ZNF112: variants seen among roughly 807,000 people sequenced by gnomAD.
The protein encoded by ZNF112 is zinc finger protein 112 (Y14).
A neutral mutation model predicts 77.7 loss-of-function variants in ZNF112; 37 were observed. That is an observed-to-expected ratio of 0.48 (90% CI 0.37 to 0.63). The LOEUF is 0.63. Ranked by LOEUF, ZNF112 falls within the 20% of genes least tolerant of loss-of-function variation. ZNF112 has a pLI of 0.00. For synonymous variants in ZNF112, 333 were observed against 363.6 expected, an observed-to-expected ratio of 0.92 and a Z score of 0.96; for missense variants, 950 against 1,077.4, an observed-to-expected ratio of 0.88 and a Z score of 1.66.
intron 1 of ZNF112, among the ~76,000 whole-genome samples, chr19:44,344,004 C>T (rs1452994554): frequency 6.6e-6 from 1 of 152,194 alleles, no homozygotes; most frequent in African/African-American, 2.4e-5. Flanking sequence ...TACATCGAGA[C>T]CACCCTTATG....
intron 1 of ZNF112, among the ~76,000 whole-genome samples, chr19:44,342,262 C>T (rs2123180460): frequency 6.6e-6 from 1 of 152,208 alleles, no homozygotes. Flanking sequence ...TCTAGCTCTT[C>T]TTGTACAAAA....
chr19:44,365,913 A>G (rs930090402), intron 1 of ZNF112, among the ~76,000 whole-genome samples: 2 of 152,230 alleles, frequency 1.3e-5, no homozygotes, highest in African/African-American at 4.8e-5. Context: ...TTAAATTAAC[A>G]TAACACAGAT....
At chr19:44,342,199 A>G (rs925797242) in intron 1 of ZNF112, among the ~76,000 whole-genome samples, 1 of 152,202 alleles carries the variant, frequency 6.6e-6, no homozygotes, top group African/African-American at 2.4e-5. Context: ...ACATATATAG[A>G]TAAACACATA....
intron 3 of ZNF112, among the ~76,000 whole-genome samples, chr19:44,333,411 A>C (rs1163618561): frequency 6.6e-6 from 1 of 152,202 alleles, no homozygotes; most frequent in African/African-American, 2.4e-5. Context: ...ACAAATATTT[A>C]AGCTGCTGTG....
chr19:44,333,909 G>A (rs1179557824), intron 3 of ZNF112, among the ~76,000 whole-genome samples: 3 of 152,206 alleles, frequency 2.0e-5, no homozygotes, highest in Non-Finnish European at 4.4e-5. Flanking sequence ...TTTGGAAACA[G>A]GTAATGGGCA....
chr19:44,344,013 T>C (rs1414324446), intron 1 of ZNF112, among the ~76,000 whole-genome samples: 2 of 152,206 alleles, frequency 1.3e-5, no homozygotes, highest in African/African-American at 4.8e-5. Context: ...ACCACCCTTA[T>C]GAAAAATGCA....
chr19:44,338,788 C>T (rs946738232), intron 2 of ZNF112, among the ~76,000 whole-genome samples: 1 of 152,152 alleles, frequency 6.6e-6, no homozygotes, highest in African/African-American at 2.4e-5. Flanking sequence ...TTAGGCTGGT[C>T]GTGGTGACTC....
At chr19:44,341,112 A>C in intron 1 of ZNF112, 3 of 456,562 alleles carry the variant, frequency 6.6e-6, no homozygotes, top group South Asian at 4.6e-5. Context: ...AACTTATACC[A>C]TACAGTCCTA....
In ZNF112 at chr19:44,329,378, G is replaced by C. The variant is rs1372325447; in HGVS notation, c.779C>G (p.Ala260Gly). 1.2e-6 allele frequency: 2 copies of C among 1,613,764 alleles called. No homozygotes were observed. Among genetic ancestry groups the C allele is most frequent in the Non-Finnish European group, 1.7e-6 (2 of 1,179,786 alleles). ...CTCAGAGCTGGAGTCATTACTGAAGGCTTTTCTATACCCAGTACATGGATA... is the reference window on the plus strand; with the variant it reads ...CTCAGAGCTGGAGTCATTACTGAAGCCTTTTCTATACCCAGTACATGGATA... ...KPYPCTGYRK[A>G]FSNDSSSEVH... The change falls in exon 4 of 4, where the codon GCC (alanine) becomes GGC (glycine). Residue 260 changes from alanine (A) to glycine (G), a missense_variant. By Grantham distance (60) the Ala-to-Gly change is moderately conservative (BLOSUM62 0). Coordinates refer to ENST00000354340, the MANE Select transcript of ZNF112 (RefSeq NM_013380.4).
intron 3 of ZNF112, 59 bp downstream of exon 3, chr19:44,336,564 C>T (rs1970370131): frequency 7.1e-7 from 1 of 1,412,736 alleles, no homozygotes; most frequent in African/African-American, 1.4e-5. Context: ...GTGATGTGTT[C>T]TGACTCATGT....
upstream of ZNF112, among the ~76,000 whole-genome samples, chr19:44,360,871 T>C (rs1970849242): frequency 6.6e-6 from 1 of 152,154 alleles, no homozygotes. Flanking sequence ...TATAAACCTA[T>C]AAGAAATGTG....
In ZNF112 at chr19:44,340,477, A is replaced by G. The variant is rs1266240446; in HGVS notation, c.63T>C (p.Ser21=). ...FTEEELGLLD[S]VQRKLYRDVM... ...CATCTCGGTACAGCTTCCTCTGGAC[A>G]GAGTCCAGCAGCCCCAGCTCCTCCT... The change falls in exon 2 of 4, where the codon TCT becomes TCC. Residue 21 remains serine, a synonymous_variant. Coordinates refer to ENST00000354340, the MANE Select transcript of ZNF112 (RefSeq NM_013380.4). 10 of 1,613,982 alleles carry G rather than the reference A, an allele frequency of 6.2e-6. No individual in the cohort carries two copies. Among genetic ancestry groups the G allele is most frequent in the Non-Finnish European group, 7.6e-6 (9 of 1,179,982 alleles).
At chr19:44,343,801 T>C (rs976631751) in intron 1 of ZNF112, among the ~76,000 whole-genome samples, 1 of 152,204 alleles carries the variant, frequency 6.6e-6, no homozygotes, top group Non-Finnish European at 1.5e-5. Context: ...ATTATAACTA[T>C]ACCAGGGATC....
intron 2 of ZNF112, among the ~76,000 whole-genome samples, chr19:44,337,969 C>A (rs1970417562): frequency 9.5e-6 from 1 of 104,898 alleles, no homozygotes; most frequent in Non-Finnish European, 2.1e-5. Flanking sequence ...AAATACCATT[C>A]CCCAGTTAAA....
intron 3 of ZNF112, among the ~76,000 whole-genome samples, chr19:44,335,374 C>G (rs929746726): frequency 2.0e-5 from 3 of 152,140 alleles, no homozygotes; most frequent in African/African-American, 7.2e-5. Flanking sequence ...TAATCTTAGA[C>G]TGGGAGGGAT....
Position 44,364,586 on chromosome 19 carries a change from T to C in ZNF112, c.17+2495A>G, listed in dbSNP as rs149799629. Among the ~76,000 whole-genome samples the C allele has an allele frequency of 4.3e-3, 651 of 152,132 alleles. 2 individuals carry two copies. The highest frequency in any genetic ancestry group is 0.015 in the African/African-American group (612 of 41,464). ...TCTAGATCTTCAAGCCAGTGGATACTACAGAAGCATCCACAGATTCAATGA... is the reference window on the plus strand; with the variant it reads ...TCTAGATCTTCAAGCCAGTGGATACCACAGAAGCATCCACAGATTCAATGA... On this transcript the variant is annotated intron_variant, in intron 1 of 4. Transcript: ENST00000588057.
chr19:44,327,802 G>A lies in ZNF112; in HGVS notation c.2355C>T (p.Arg785=), dbSNP rs1332352306. 2.5e-6 allele frequency: 4 copies of A among 1,613,650 alleles called. No homozygotes were observed. The South Asian group carries it at 4.4e-5, about 18-fold the overall frequency. Reference sequence around the variant, plus strand: ...CATGAACCCTTTGGTGTGCTTGAAGGCGTGAACTCTCACTGAAACCCTTTG... The same window carrying A: ...CATGAACCCTTTGGTGTGCTTGAAGACGTGAACTCTCACTGAAACCCTTTG... ...VCTKGFSESS[R]LQAHQRVHVE... is the part of the protein sequence containing the mutation. Residue 785 remains arginine, a synonymous_variant, in exon 4 of 4, where the codon CGC becomes CGT. Transcript: ENST00000354340.
intron 1 of ZNF112, among the ~76,000 whole-genome samples, chr19:44,351,414 A>C (rs1001697719): frequency 1.1e-4 from 17 of 152,136 alleles, no homozygotes; most frequent in Admixed American, 4.6e-4. Flanking sequence ...TCATTTGCTT[A>C]TGGATTAGTA....
chr19:44,339,450 A>G (rs1970448630), intron 2 of ZNF112, among the ~76,000 whole-genome samples: 1 of 152,204 alleles, frequency 6.6e-6, no homozygotes. Flanking sequence ...ATATCTAGGT[A>G]ACTAAGCTCC....
Sources: allele counts gnomAD v4.1 joint callset (sites outside exome capture counted in the v4.1 genomes callset), GRCh38; gene constraint gnomAD v4.1.1; transcripts MANE v1.5; gene names NCBI Gene and HGNC (gene_info 2026-07-23, HGNC 2026-07-21).